TBC1D32: variants seen among roughly 807,000 people sequenced by gnomAD.
TBC1D32 encodes the protein protein broad-minded.
A neutral mutation model predicts 170.3 loss-of-function variants in TBC1D32; 151 were observed. That is an observed-to-expected ratio of 0.89 (90% CI 0.78 to 1.01). The LOEUF is 1.01. TBC1D32 is among the 50% of genes least tolerant of loss of function. The pLI is 0.00. For missense variants in TBC1D32, 1,464 were observed against 1,457.1 expected, an observed-to-expected ratio of 1.00 and a Z score of -0.08; for synonymous variants, 498 against 488.0, an observed-to-expected ratio of 1.02 and a Z score of -0.27.
intron 26 of TBC1D32, among the ~76,000 whole-genome samples, chr6:121,124,219 G>A (rs1413750585): frequency 6.6e-6 from 1 of 152,046 alleles, no homozygotes; most frequent in Non-Finnish European, 1.5e-5. Flanking sequence ...AGGTCTGAAA[G>A]TGATAAGTTC....
At chr6:121,122,081 T>A (rs542204409) in intron 26 of TBC1D32, among the ~76,000 whole-genome samples, 2 of 152,012 alleles carry the variant, frequency 1.3e-5, no homozygotes, top group African/African-American at 2.4e-5. Flanking sequence ...AATCATTCCA[T>A]CCTCCTAGTA....
chr6:121,098,408 A>G (rs1777662119), intron 30 of TBC1D32, among the ~76,000 whole-genome samples: 1 of 151,942 alleles, frequency 6.6e-6, no homozygotes, highest in East Asian at 1.9e-4. Flanking sequence ...CTAACTTTGG[A>G]ATAAAAGTGG....
chr6:121,189,055 ATTG>A (rs1789583192), intron 22 of TBC1D32, among the ~76,000 whole-genome samples: 1 of 152,206 alleles, frequency 6.6e-6, no homozygotes, highest in Non-Finnish European at 1.5e-5. Context: ...ATATGATTTA[ATTG>A]TTGTCATAAA....
chr6:121,270,509 A>C (rs1392020402), intron 15 of TBC1D32, among the ~76,000 whole-genome samples: 1 of 152,202 alleles, frequency 6.6e-6, no homozygotes, highest in East Asian at 1.9e-4. Flanking sequence ...TAGAAAATCT[A>C]GAAGAAATGG....
At chr6:121,323,770 T>C (rs1209318751) in intron 1 of TBC1D32, among the ~76,000 whole-genome samples, 1 of 152,142 alleles carries the variant, frequency 6.6e-6, no homozygotes, top group Non-Finnish European at 1.5e-5. Flanking sequence ...TGAAATCCCA[T>C]TTCTACCAAA....
At chr6:121,288,285 A>C (rs373152457) in intron 12 of TBC1D32, among the ~76,000 whole-genome samples, 11 of 152,170 alleles carry the variant, frequency 7.2e-5, no homozygotes, top group East Asian at 5.8e-4. Context: ...AAGAGAGAAG[A>C]ATCAAATAGA....
chr6:121,200,704 C>T (rs1025563258), intron 22 of TBC1D32, among the ~76,000 whole-genome samples: 1 of 151,432 alleles, frequency 6.6e-6, no homozygotes, highest in Non-Finnish European at 1.5e-5. Context: ...ACCATAAAGG[C>T]AAGAGGCATG....
intron 22 of TBC1D32, among the ~76,000 whole-genome samples, chr6:121,202,555 A>AC (rs1791724457): frequency 6.6e-6 from 1 of 151,300 alleles, no homozygotes; most frequent in Admixed American, 6.6e-5. Flanking sequence ...CGGGTGAGCA[A>AC]CTGAGGACAG....
intron 24 of TBC1D32, among the ~76,000 whole-genome samples, chr6:121,143,368 C>T (rs1783040389): frequency 6.6e-6 from 1 of 151,980 alleles, no homozygotes; most frequent in South Asian, 2.1e-4. Context: ...AACAATTGAA[C>T]CAGATGATGT....
chr6:121,331,222 T>G (rs370483083), intron 1 of TBC1D32, among the ~76,000 whole-genome samples: 3 of 148,340 alleles, frequency 2.0e-5, no homozygotes, highest in Non-Finnish European at 4.4e-5. Context: ...TGTTGTTGTT[T>G]TTGAGACGGA....
chr6:121,085,707 A>G (rs970713011), intron 31 of TBC1D32, among the ~76,000 whole-genome samples: 23 of 152,066 alleles, frequency 1.5e-4, no homozygotes, highest in African/African-American at 5.6e-4. Context: ...TAAGTACCCT[A>G]AGTGATTCTT....
intron 20 of TBC1D32, among the ~76,000 whole-genome samples, chr6:121,234,618 C>G (rs1195501835): frequency 6.6e-6 from 1 of 151,936 alleles, no homozygotes; most frequent in East Asian, 1.9e-4. Context: ...CTTTCATATC[C>G]TGTATCATGT....
chr6:121,317,566 T>G lies in TBC1D32; in HGVS notation c.424A>C (p.Lys142Gln). The G allele has an allele frequency of 5.0e-6, 8 of 1,613,174 alleles. No individual in the cohort carries two copies. The South Asian group carries it at 8.8e-5, about 18-fold the overall frequency. ...DETRNQERQK[K>Q]IQKEKSHSYR... ...CTATGGCTTTTCTCCTTTTGGATTT[T>G]TTTCTGCCTTTCTTGATTTCGTGTC... The change falls in exon 3 of 32, where the codon AAA becomes CAA. Residue 142 changes from lysine to glutamine, a missense_variant. Physicochemically the swap from Lys to Gln is moderately conservative, Grantham distance 53. This residue lies in a region of TBC1D32 where 1,363 missense variants were observed against 1,338.1 expected (regional missense o/e 1.02). Coordinates refer to ENST00000398212, the MANE Select transcript of TBC1D32 (RefSeq NM_152730.6).
chr6:121,160,460 C>T (rs1785477609), intron 23 of TBC1D32, among the ~76,000 whole-genome samples: 1 of 146,732 alleles, frequency 6.8e-6, no homozygotes, highest in African/African-American at 2.4e-5. Flanking sequence ...TGCTGTCAGT[C>T]ATTTCTATCT....
intron 22 of TBC1D32, among the ~76,000 whole-genome samples, chr6:121,200,241 G>A (rs907409483): frequency 2.7e-5 from 4 of 150,928 alleles, no homozygotes; most frequent in Admixed American, 2.0e-4. Context: ...GAGTTACTAC[G>A]TAAGATTTAA....
chr6:121,100,776 C>A (rs1562480582), intron 30 of TBC1D32, among the ~76,000 whole-genome samples: 1 of 151,884 alleles, frequency 6.6e-6, no homozygotes, highest in Non-Finnish European at 1.5e-5. Context: ...AAAAACCCTT[C>A]AAAAAATCAA....
intron 2 of TBC1D32, among the ~76,000 whole-genome samples, chr6:121,320,788 A>G (rs1809596203): frequency 6.6e-6 from 1 of 152,206 alleles, no homozygotes; most frequent in African/African-American, 2.4e-5. Context: ...ATTAAAAGTA[A>G]ATTAGATTTA....
intron 4 of TBC1D32, among the ~76,000 whole-genome samples, chr6:121,309,895 G>A (rs1807912298): frequency 6.6e-6 from 1 of 152,070 alleles, no homozygotes; most frequent in Non-Finnish European, 1.5e-5. Context: ...TTCACCAGGT[G>A]CAGTGGCGTG....
rs765491970 is a variant in TBC1D32 at position 121,080,864 on chromosome 6, C to T, written c.3681G>A (p.Val1227=). The change falls in exon 32 of 32, where the codon GTG becomes GTA. Residue 1227 remains valine, a synonymous_variant. Transcript: ENST00000398212. Reference sequence around the variant, plus strand: ...TTTCCATGTATTCAAAATAATCACTCACTCGAAACCCATGCAGTGCTTCTT... The same window carrying T: ...TTTCCATGTATTCAAAATAATCACTTACTCGAAACCCATGCAGTGCTTCTT... ...LKEEALHGFR[V]SDYFEYMEIL... is the part of the protein sequence containing the mutation. 1 of 1,613,816 alleles carries T rather than the reference C, an allele frequency of 6.2e-7. No homozygotes were observed. Among genetic ancestry groups the T allele is most frequent in the East Asian group, 2.2e-5 (1 of 44,838 alleles).
Sources: gnomAD v4.1 joint callset for allele counts (sites outside exome capture counted in the v4.1 genomes callset) on GRCh38, gnomAD v4.1.1 for gene constraint, gnomAD v4.1.1 regional missense constraint, MANE v1.5 for transcripts, NCBI Gene and HGNC (gene_info 2026-07-23, HGNC 2026-07-21) for gene names.